OLA1: variants seen among roughly 807,000 people sequenced by gnomAD.
The protein encoded by OLA1 is obg-like ATPase 1.
In OLA1, 14 loss-of-function variants were observed where a neutral mutation model predicts 48.4. The ratio of observed to expected loss-of-function variants is 0.29; its 90% CI spans 0.19 to 0.45. The LOEUF (loss-of-function observed/expected upper bound fraction) is 0.45, where lower values mean the gene tolerates loss of function less well. Ranked by LOEUF, OLA1 falls within the 20% of genes least tolerant of loss-of-function variation. The pLI, the probability that OLA1 is intolerant of heterozygous loss-of-function variation, is 1.00. For synonymous variants in OLA1, 127 were observed against 150.4 expected, an observed-to-expected ratio of 0.84 and a Z score of 1.14; for missense variants, 325 against 467.1, an observed-to-expected ratio of 0.70 and a Z score of 2.80.
intron 4 of OLA1, among the ~76,000 whole-genome samples, chr2:174,216,414 C>G (rs1471291118): frequency 6.6e-6 from 1 of 152,056 alleles, no homozygotes; most frequent in Non-Finnish European, 1.5e-5. Context: ...ATTGACAATA[C>G]AAGAAAAAGG....
intron 4 of OLA1, among the ~76,000 whole-genome samples, chr2:174,203,406 C>A (rs1429553975): frequency 2.0e-5 from 3 of 151,186 alleles, no homozygotes; most frequent in Non-Finnish European, 4.4e-5. Context: ...AAACCAGGTA[C>A]AAACCATCAC....
intron 7 of OLA1, among the ~76,000 whole-genome samples, chr2:174,083,695 A>G (rs908431348): frequency 4.6e-5 from 7 of 152,168 alleles, no homozygotes; most frequent in Admixed American, 6.5e-5. Flanking sequence ...CTATATTCAA[A>G]TGTTATCATC....
At chr2:174,183,388 G>A (rs1687590380) in intron 4 of OLA1, among the ~76,000 whole-genome samples, 2 of 152,212 alleles carry the variant, frequency 1.3e-5, no homozygotes, top group South Asian at 4.1e-4. Flanking sequence ...ATTTCAGGAA[G>A]TATGCACTAG....
At chr2:174,160,346 G>A (rs1472108387) in intron 4 of OLA1, among the ~76,000 whole-genome samples, 1 of 152,076 alleles carries the variant, frequency 6.6e-6, no homozygotes, top group Non-Finnish European at 1.5e-5. Context: ...AAACATTTCA[G>A]CAAAGTCTTG....
intron 7 of OLA1, among the ~76,000 whole-genome samples, chr2:174,107,372 T>C (rs1195738744): frequency 6.6e-6 from 1 of 152,124 alleles, no homozygotes; most frequent in African/African-American, 2.4e-5. Flanking sequence ...TAACTGCTGT[T>C]TGGAGCACAG....
intron 4 of OLA1, among the ~76,000 whole-genome samples, chr2:174,201,781 C>T (rs969398990): frequency 4.6e-5 from 7 of 152,044 alleles, no homozygotes; most frequent in South Asian, 2.1e-4. Flanking sequence ...TGTTACCATT[C>T]GTATCATGTA....
chr2:174,171,150 A>G (rs1323606646), intron 4 of OLA1, among the ~76,000 whole-genome samples: 1 of 152,222 alleles, frequency 6.6e-6, no homozygotes, highest in African/African-American at 2.4e-5. Context: ...CAACAGAAGT[A>G]AAGATGAAAT....
At chr2:174,084,534 ATAT>A (rs1388298889) in intron 7 of OLA1, among the ~76,000 whole-genome samples, 2 of 152,244 alleles carry the variant, frequency 1.3e-5, no homozygotes, top group Non-Finnish European at 2.9e-5. Context: ...GTAATTAAAA[ATAT>A]TATTTGATTT....
chr2:174,194,669 T>C (rs1422643579), intron 4 of OLA1, among the ~76,000 whole-genome samples: 1 of 152,100 alleles, frequency 6.6e-6, no homozygotes, highest in Non-Finnish European at 1.5e-5. Flanking sequence ...ACCCCCATAT[T>C]CTCCTTTAAT....
chr2:174,215,010 A>G (rs1460750181), intron 4 of OLA1, among the ~76,000 whole-genome samples: 1 of 151,898 alleles, frequency 6.6e-6, no homozygotes, highest in Admixed American at 6.6e-5. Flanking sequence ...AGATCGCGCC[A>G]TTACACTCCA....
intron 7 of OLA1, among the ~76,000 whole-genome samples, chr2:174,094,771 C>A (rs779688098): frequency 2.6e-5 from 4 of 152,198 alleles, no homozygotes; most frequent in East Asian, 3.8e-4. Flanking sequence ...AGAACTTTTT[C>A]ATCTTGTAGA....
At chr2:174,181,066 T>G (rs16862458) in intron 4 of OLA1, among the ~76,000 whole-genome samples, 1 of 152,088 alleles carries the variant, frequency 6.6e-6, no homozygotes, top group Non-Finnish European at 1.5e-5. Flanking sequence ...TCAACAAATA[T>G]TGAAGAGCAC....
intron 6 of OLA1, 97 bp downstream of exon 6, chr2:174,123,498 A>T: frequency 1.3e-6 from 1 of 751,270 alleles, no homozygotes; most frequent in Non-Finnish European, 2.1e-6. Context: ...ATAAAAATTT[A>T]GATATAATGG....
At chr2:174,219,278 TAAA>T (rs751305223) in intron 4 of OLA1, among the ~76,000 whole-genome samples, 1 of 135,534 alleles carries the variant, frequency 7.4e-6, no homozygotes, top group African/African-American at 2.7e-5. Flanking sequence ...CCTGACTCTT[TAAA>T]AAAAAAAAAA....
intron 4 of OLA1, among the ~76,000 whole-genome samples, chr2:174,196,973 G>A (rs759801082): frequency 1.3e-5 from 2 of 152,148 alleles, no homozygotes; most frequent in Non-Finnish European, 2.9e-5. Flanking sequence ...GTAATATGTT[G>A]CCAGTGTATT....
intron 7 of OLA1, among the ~76,000 whole-genome samples, chr2:174,085,807 T>C (rs757658680): frequency 6.6e-6 from 1 of 152,224 alleles, no homozygotes; most frequent in African/African-American, 2.4e-5. Flanking sequence ...CTTGCTTTAA[T>C]TGGGTAATAT....
At chr2:174,080,723 T>C (rs1033472238) in intron 9 of OLA1, among the ~76,000 whole-genome samples, 30 of 152,112 alleles carry the variant, frequency 2.0e-4, no homozygotes, top group Non-Finnish European at 2.8e-4. Context: ...GATGTCATAT[T>C]GCTTTTATTG....
At chr2:174,224,033 T>C (rs893261477) in intron 3 of OLA1, among the ~76,000 whole-genome samples, 14 of 152,356 alleles carry the variant, frequency 9.2e-5, no homozygotes, top group Middle Eastern at 3.4e-3. Flanking sequence ...GTGTATCCTT[T>C]GTCAATTTTC....
At chr2:174,088,927 C>T (rs1214433192) in intron 7 of OLA1, among the ~76,000 whole-genome samples, 1 of 151,670 alleles carries the variant, frequency 6.6e-6, no homozygotes, top group Admixed American at 6.6e-5. Context: ...GCTCCATCTT[C>T]CATACATGTA....
Sources: gnomAD v4.1 joint callset for allele counts (sites outside exome capture counted in the v4.1 genomes callset) on GRCh38, gnomAD v4.1.1 for gene constraint, MANE v1.5 for transcripts, NCBI Gene and HGNC (gene_info 2026-07-23, HGNC 2026-07-21) for gene names.